The following ASXL2 variants were observed in gnomAD, a reference collection of about 807,000 sequenced individuals.
ASXL2 encodes the protein ASXL transcriptional regulator 2.
In ASXL2, 23 loss-of-function variants were observed where a neutral mutation model predicts 122.0. The ratio of observed to expected loss-of-function variants is 0.19; its 90% confidence interval spans 0.14 to 0.27. The LOEUF is 0.27. Ranked by LOEUF, ASXL2 falls within the 10% of genes least tolerant of loss-of-function variation. The pLI is 1.00. For missense variants in ASXL2, 1,518 were observed against 1,713.8 expected (o/e 0.89, Z 2.02); for synonymous variants, 650 against 637.0 (o/e 1.02, Z -0.31).
At chr2:25,768,180 G>C (rs2149152889) in intron 7 of ASXL2, among the ~76,000 whole-genome samples, 1 of 152,340 alleles carries the variant, frequency 6.6e-6, no homozygotes, top group Non-Finnish European at 1.5e-5. Context: ...CTGGCTAAGA[G>C]TTTAGTTTGA....
chr2:25,785,373 C>G (rs537404579), intron 5 of ASXL2, among the ~76,000 whole-genome samples: 1 of 151,994 alleles, frequency 6.6e-6, no homozygotes, highest in South Asian at 2.1e-4. Flanking sequence ...TACAGGCACC[C>G]GCCTCCATGT....
At chr2:25,764,247 C>T (rs571348109) in intron 8 of ASXL2, among the ~76,000 whole-genome samples, 1 of 152,112 alleles carries the variant, frequency 6.6e-6, no homozygotes, top group Non-Finnish European at 1.5e-5. Context: ...CACTAAATAT[C>T]TTGGGACATT....
At chr2:25,749,171 A>G (rs1365014249) in intron 12 of ASXL2, among the ~76,000 whole-genome samples, 1 of 152,184 alleles carries the variant, frequency 6.6e-6, no homozygotes, top group Non-Finnish European at 1.5e-5. Context: ...AATAATTTTC[A>G]TGATGGTCTG....
At chr2:25,857,699 C>T (rs2089797848) in intron 1 of ASXL2, among the ~76,000 whole-genome samples, 2 of 152,152 alleles carry the variant, frequency 1.3e-5, no homozygotes, top group South Asian at 4.1e-4. Context: ...AAATCACGAA[C>T]TACTTCAAAA....
chr2:25,861,953 C>A (rs2089846206), intron 1 of ASXL2, among the ~76,000 whole-genome samples: 1 of 152,090 alleles, frequency 6.6e-6, no homozygotes, highest in Admixed American at 6.6e-5. Flanking sequence ...AGATCAGATT[C>A]CAAAGTACTG....
intron 1 of ASXL2, 141 bp downstream of exon 1, chr2:25,878,025 G>T: frequency 1.9e-6 from 2 of 1,052,042 alleles, no homozygotes; most frequent in South Asian, 2.6e-5. Flanking sequence ...TCGCAACCCC[G>T]ACACTAACCG....
At chr2:25,842,721 T>G (rs1005978490) in intron 2 of ASXL2, among the ~76,000 whole-genome samples, 1 of 151,192 alleles carries the variant, frequency 6.6e-6, no homozygotes, top group African/African-American at 2.4e-5. Context: ...GATAGATAGA[T>G]AGATGTATAT....
chr2:25,743,579 A>C lies in ASXL2; in HGVS notation c.2758T>G (p.Leu920Val), dbSNP rs756271258. Residue 920 changes from leucine to valine, a missense_variant, in exon 13 of 13, where the codon TTG (leucine) becomes GTG (valine). Around this residue, in one of 8 missense-constraint regions of ASXL2, gnomAD observed 831 missense variants for 833.1 expected, o/e 1.00. Transcript: ENST00000435504. ...GTTTTAAGGCTAGAAGCTGCTGGCA[A>C]AGTGCTCGAGGGTGGAGCTGATCCA... ...PAGSAPPSST[L>V]PAASSLKTPG... is the part of the protein sequence containing the mutation. 1 of 1,614,008 alleles carries C rather than the reference A, an allele frequency of 6.2e-7. No homozygotes were observed. The highest frequency in any genetic ancestry group is 1.7e-5 in the Admixed American group (1 of 60,030).
chr2:25,868,840 G>C (rs1393447552), intron 1 of ASXL2, among the ~76,000 whole-genome samples: 1 of 152,044 alleles, frequency 6.6e-6, no homozygotes, highest in Non-Finnish European at 1.5e-5. Context: ...ACCAGCATGA[G>C]CAACATGCTG....
At chr2:25,792,455 A>G (rs1366432054) in intron 5 of ASXL2, among the ~76,000 whole-genome samples, 1 of 152,228 alleles carries the variant, frequency 6.6e-6, no homozygotes, top group Non-Finnish European at 1.5e-5. Flanking sequence ...TCTAATTAGA[A>G]ACAAAAATGC....
intron 10 of ASXL2, among the ~76,000 whole-genome samples, 160 bp from the exon 11 acceptor site, chr2:25,753,799 C>T (rs995492967): frequency 6.6e-6 from 1 of 152,114 alleles, no homozygotes; most frequent in Non-Finnish European, 1.5e-5. Context: ...ACCTAAATGC[C>T]ATTAGGTGAA....
intron 3 of ASXL2, among the ~76,000 whole-genome samples, chr2:25,819,622 T>C (rs2089282473): frequency 6.6e-6 from 1 of 152,080 alleles, no homozygotes; most frequent in Admixed American, 6.6e-5. Context: ...TGAGAAACAA[T>C]CTGCAAAACA....
intron 1 of ASXL2, among the ~76,000 whole-genome samples, chr2:25,847,479 C>T (rs1180393655): frequency 6.6e-6 from 1 of 152,176 alleles, no homozygotes; most frequent in African/African-American, 2.4e-5. Context: ...TCACCACTCA[C>T]GTTTTGATGA....
At chr2:25,810,896 T>C (rs2089159111) in intron 3 of ASXL2, among the ~76,000 whole-genome samples, 1 of 152,080 alleles carries the variant, frequency 6.6e-6, no homozygotes, top group Non-Finnish European at 1.5e-5. Context: ...TCCAAATGAA[T>C]TAAAAGCCAA....
intron 4 of ASXL2, among the ~76,000 whole-genome samples, chr2:25,802,464 T>C (rs1260234073): frequency 6.6e-6 from 1 of 152,196 alleles, no homozygotes; most frequent in African/African-American, 2.4e-5. Flanking sequence ...TCCTAAGCAA[T>C]AGTGTTACTA....
intron 3 of ASXL2, among the ~76,000 whole-genome samples, chr2:25,833,132 C>G (rs1038113367): frequency 1.3e-5 from 2 of 152,118 alleles, no homozygotes; most frequent in African/African-American, 4.8e-5. Context: ...AATCTATACA[C>G]GTGATAAAAC....
intron 1 of ASXL2, among the ~76,000 whole-genome samples, chr2:25,873,138 T>C (rs769740064): frequency 4.6e-5 from 7 of 152,162 alleles, no homozygotes; most frequent in Non-Finnish European, 1.0e-4. Context: ...CCATTGTTCT[T>C]ATTCCTTTGC....
At chr2:25,852,847 C>A (rs2149196661) in intron 1 of ASXL2, among the ~76,000 whole-genome samples, 1 of 152,226 alleles carries the variant, frequency 6.6e-6, no homozygotes, top group South Asian at 2.1e-4. Context: ...TATTTGTCAA[C>A]AAAGGGATGT....
At chr2:25,749,039 C>T (rs1023287610) in intron 12 of ASXL2, among the ~76,000 whole-genome samples, 7 of 150,844 alleles carry the variant, frequency 4.6e-5, no homozygotes, top group Admixed American at 6.6e-5. Context: ...CACAGAACAT[C>T]AAGTCAGTTA....
Sources: allele counts gnomAD v4.1 joint callset (sites outside exome capture counted in the v4.1 genomes callset), GRCh38; gene constraint gnomAD v4.1.1; regional missense constraint gnomAD v4.1.1; transcripts MANE v1.5; gene names NCBI Gene and HGNC (gene_info 2026-07-23, HGNC 2026-07-21).